Variants in SORCS3 observed in about 807,000 individuals in gnomAD.
The protein encoded by SORCS3 is VPS10 domain-containing receptor SorCS3.
A neutral mutation model predicts 146.3 loss-of-function variants in SORCS3; 57 were observed. The observed-to-expected ratio is 0.39, with a 90% CI of 0.31 to 0.49. The LOEUF (loss-of-function observed/expected upper bound fraction) is 0.49, where lower values mean the gene tolerates loss of function less well. SORCS3 is among the 20% of genes least tolerant of loss of function. SORCS3 has a pLI of 0.92. For synonymous variants in SORCS3, 653 were observed against 618.5 expected, an observed-to-expected ratio of 1.06 and a Z score of -0.83; for missense variants, 1,341 against 1,575.5, an observed-to-expected ratio of 0.85 and a Z score of 2.52.
rs1491523072 is a variant in SORCS3, at chr10:105,163,881, CAT to C, written c.1733-420_1733-419del. On this transcript the variant is annotated intron_variant, in intron 11 of 26. Transcript: ENST00000369701. The stretch of plus-strand genomic sequence containing the variant: ...ATACACACAGACACACAGTTACGCA[CAT>C]ACACACACACACACACACACACACA... 2.4e-3 allele frequency among the ~76,000 whole-genome samples: 274 copies of C among 116,248 alleles called. 6 individuals carry two copies. The South Asian group carries it at 0.056, about 24-fold the overall frequency. 76.3% of individuals were successfully genotyped at this position (116,248 alleles called of 152,430 possible).
chr10:105,014,921 C>A (rs2055156609), intron 4 of SORCS3, among the ~76,000 whole-genome samples: 1 of 152,188 alleles, frequency 6.6e-6, no homozygotes, highest in Admixed American at 6.5e-5. Context: ...GACTACCCAG[C>A]CTCCATAACT....
At chr10:104,975,721 C>G (rs1031568203) in intron 3 of SORCS3, among the ~76,000 whole-genome samples, 1 of 152,102 alleles carries the variant, frequency 6.6e-6, no homozygotes, top group Admixed American at 6.5e-5. Flanking sequence ...AGATATAGAT[C>G]AATGGAACAG....
In SORCS3 at chr10:104,749,804, C is replaced by T. The variant is rs555198092; in HGVS notation, c.628-92988C>T. 1.2e-3 allele frequency among the ~76,000 whole-genome samples: 186 copies of T among 152,188 alleles called. 2 individuals are homozygous for T. Among genetic ancestry groups the T allele is most frequent in the African/African-American group, 4.3e-3 (179 of 41,528 alleles). On this transcript the variant is annotated intron_variant, in intron 1 of 26. Coordinates refer to ENST00000369701, the MANE Select transcript of SORCS3 (RefSeq NM_014978.3). ...TATTTTTCATATTTTGCATACATTT[C>T]ATATTTTTCATTTTATTTATTTGAT... is the stretch of plus-strand genomic sequence containing the variant.
At chr10:104,724,832 C>T (rs1023728557) in intron 1 of SORCS3, among the ~76,000 whole-genome samples, 1 of 152,160 alleles carries the variant, frequency 6.6e-6, no homozygotes, top group Non-Finnish European at 1.5e-5. Flanking sequence ...TCCATCAGGT[C>T]CTTTAAGGAC....
chr10:104,983,469 A>G (rs1157316253), intron 4 of SORCS3, among the ~76,000 whole-genome samples: 1 of 152,200 alleles, frequency 6.6e-6, no homozygotes, highest in African/African-American at 2.4e-5. Flanking sequence ...CAGGCAGGCA[A>G]CAGTACCTTT....
chr10:104,913,969 A>G (rs915678061), intron 2 of SORCS3, among the ~76,000 whole-genome samples: 6 of 151,928 alleles, frequency 3.9e-5, no homozygotes, highest in Non-Finnish European at 2.9e-5. Flanking sequence ...GGGTTTCACC[A>G]TCTTGGCCAG....
chr10:105,027,504 A>G (rs976708688), intron 4 of SORCS3, among the ~76,000 whole-genome samples: 30 of 152,092 alleles, frequency 2.0e-4, no homozygotes, highest in African/African-American at 6.0e-4. Flanking sequence ...ATTATTTGCA[A>G]TTCCCTATTT....
rs2056909452 is a variant in SORCS3 at position 105,252,869 on chromosome 10, C to T, written c.3200C>T (p.Thr1067Ile). 7 of 1,613,750 alleles carry T rather than the reference C, an allele frequency of 4.3e-6. No individual in the cohort carries two copies. Among genetic ancestry groups the T allele is most frequent in the Non-Finnish European group, 5.9e-6 (7 of 1,179,946 alleles). Residue 1067 changes from threonine (T) to isoleucine (I), a missense_variant, in exon 23 of 27, where the codon ACA becomes ATA. Coordinates refer to ENST00000369701, the MANE Select transcript of SORCS3 (RefSeq NM_014978.3). Reference protein sequence around the residue: ...ELFILPPKNLTERRKGNEGDL... With the variant: ...ELFILPPKNLIERRKGNEGDL... ...TTCATTCTTCCACCCAAGAACCTGA[C>T]AGAGAGGAGGAAAGGCAATGAAGGG...
chr10:104,920,356 A>G (rs1420702817), intron 3 of SORCS3, among the ~76,000 whole-genome samples: 1 of 152,242 alleles, frequency 6.6e-6, no homozygotes, highest in Non-Finnish European at 1.5e-5. Flanking sequence ...TTTGAACAAC[A>G]TAAAATTATC....
chr10:105,173,227 G>A (rs11192351), intron 13 of SORCS3, among the ~76,000 whole-genome samples: 11,629 of 151,976 alleles, frequency 0.077, 639 homozygotes, highest in Admixed American at 0.15. Context: ...CAGGATAATC[G>A]CTTGAACCCA....
chr10:105,234,280 A>G (rs1206118593), intron 20 of SORCS3, among the ~76,000 whole-genome samples: 1 of 151,456 alleles, frequency 6.6e-6, no homozygotes, highest in East Asian at 1.9e-4. Context: ...TAAGGTATTT[A>G]TTTCTTCTAG....
intron 5 of SORCS3, among the ~76,000 whole-genome samples, chr10:105,060,654 A>G (rs1047720192): frequency 2.0e-5 from 3 of 152,130 alleles, no homozygotes; most frequent in African/African-American, 7.2e-5. Context: ...AAAAAGTTAA[A>G]AAGTCTGGGC....
chr10:104,913,806 T>C (rs1029049850), intron 2 of SORCS3, among the ~76,000 whole-genome samples: 7 of 138,778 alleles, frequency 5.0e-5, no homozygotes, highest in African/African-American at 1.1e-4. Context: ...GGAGTCTCAC[T>C]GTCACTCAGG....
intron 1 of SORCS3, among the ~76,000 whole-genome samples, chr10:104,767,038 G>A (rs1184728432): frequency 1.3e-5 from 2 of 152,308 alleles, no homozygotes; most frequent in East Asian, 1.9e-4. Flanking sequence ...GTTAGAGGAA[G>A]GATGGGAAAA....
At chr10:105,089,553 A>G (rs1410991588) in intron 5 of SORCS3, among the ~76,000 whole-genome samples, 1 of 152,180 alleles carries the variant, frequency 6.6e-6, no homozygotes, top group Admixed American at 6.5e-5. Context: ...TGACTTATTG[A>G]CCATTCAGTA....
intron 2 of SORCS3, among the ~76,000 whole-genome samples, chr10:104,853,325 G>T (rs1421515870): frequency 6.6e-6 from 1 of 152,196 alleles, no homozygotes; most frequent in Non-Finnish European, 1.5e-5. Flanking sequence ...CAGAACAAAA[G>T]CTGGGGAACA....
At chr10:104,794,307 A>G (rs983875568) in intron 1 of SORCS3, among the ~76,000 whole-genome samples, 5 of 152,154 alleles carry the variant, frequency 3.3e-5, no homozygotes, top group African/African-American at 9.7e-5. Context: ...GAAGAATGAG[A>G]TACTCCCCAG....
intron 1 of SORCS3, among the ~76,000 whole-genome samples, chr10:104,839,252 G>A (rs1038722124): frequency 1.1e-4 from 17 of 152,250 alleles, no homozygotes; most frequent in African/African-American, 3.6e-4. Flanking sequence ...TATAGTGTTT[G>A]TGATAAATTG....
Position 105,122,615 on chromosome 10 carries a change from C to T in SORCS3, c.1213-16782C>T, listed in dbSNP as rs565192601. 1.1e-4 allele frequency among the ~76,000 whole-genome samples: 16 copies of T among 152,256 alleles called. No homozygotes were observed. In the East Asian group the frequency reaches 1.7e-3, roughly 17 times the overall value. The stretch of plus-strand genomic sequence containing the variant: ...TGAAGGGCATGTGATAGTCACAAGA[C>T]GGAGAACGTGTCAGTCCTCATTTTG... On this transcript the variant is annotated intron_variant, in intron 7 of 26. Coordinates refer to ENST00000369701, the MANE Select transcript of SORCS3 (RefSeq NM_014978.3).
Sources: gnomAD v4.1 joint callset for allele counts (sites outside exome capture counted in the v4.1 genomes callset) on GRCh38, gnomAD v4.1.1 for gene constraint, MANE v1.5 for transcripts, NCBI Gene and HGNC (gene_info 2026-07-23, HGNC 2026-07-21) for gene names.